Variants in SGCD observed in about 807,000 individuals in gnomAD.
The protein encoded by SGCD is sarcoglycan delta, also known as delta-sarcoglycan.
In SGCD, 18 loss-of-function variants were observed where a neutral mutation model predicts 36.6. That is an observed-to-expected ratio of 0.49 (90% CI 0.34 to 0.73). The LOEUF (loss-of-function observed/expected upper bound fraction) is 0.73. SGCD is among the 30% of genes least tolerant of loss of function. The pLI, the probability that SGCD is intolerant of heterozygous loss-of-function variation, is 0.01. For synonymous variants in SGCD, 133 were observed against 130.6 expected, an observed-to-expected ratio of 1.02 and a Z score of -0.12; for missense variants, 387 against 346.7, an observed-to-expected ratio of 1.12 and a Z score of -0.92.
chr5:156,597,969 C>A (rs1761000899), intron 6 of SGCD, among the ~76,000 whole-genome samples: 1 of 152,074 alleles, frequency 6.6e-6, no homozygotes, highest in South Asian at 2.1e-4. Flanking sequence ...ACATAGAGGG[C>A]TTTACCTTAA....
chr5:156,674,983 A>G (rs996153888), intron 7 of SGCD, among the ~76,000 whole-genome samples: 1 of 152,162 alleles, frequency 6.6e-6, no homozygotes. Context: ...CTTGTTTGCC[A>G]TAATGAAAAG....
rs568282896 is a variant in SGCD at position 156,318,753 on chromosome 5, G to T, written c.-43-10781G>T. 2.0e-5 allele frequency among the ~76,000 whole-genome samples: 3 copies of T among 152,030 alleles called. No homozygotes were observed. In the East Asian group the frequency reaches 5.8e-4, roughly 30 times the overall value. On this transcript the variant is annotated intron_variant, in intron 3 of 9. Coordinates refer to the SGCD transcript ENST00000517913. ...TGGGATTACAGTTGTGTGCCCCCTC[G>T]CCTGGCTCAGTTTTGTATTTTTAGT...
At chr5:155,872,351 G>GCA (rs3085993) in intron 1 of SGCD, among the ~76,000 whole-genome samples, 26,110 of 144,862 alleles carry the variant, frequency 0.18, 3,031 homozygotes, top group African/African-American at 0.35. Context: ...CTTCTCTTCA[G>GCA]CACACACACA....
chr5:156,265,493 G>A (rs1765975202), intron 3 of SGCD, among the ~76,000 whole-genome samples: 2 of 151,896 alleles, frequency 1.3e-5, no homozygotes, highest in South Asian at 4.2e-4. Context: ...ATATCTAGTT[G>A]CTACTTAAGG....
At chr5:155,896,774 A>G (rs182108168) in intron 1 of SGCD, among the ~76,000 whole-genome samples, 39 of 152,320 alleles carry the variant, frequency 2.6e-4, no homozygotes, top group Non-Finnish European at 5.6e-4. Flanking sequence ...CTCAAGGATC[A>G]CCATACTGTT....
chr5:156,293,897 C>G (rs1766826491), intron 3 of SGCD, among the ~76,000 whole-genome samples: 1 of 152,108 alleles, frequency 6.6e-6, no homozygotes, highest in South Asian at 2.1e-4. Context: ...ATAGGGATTG[C>G]ATTAAATCTG....
At chr5:155,819,904 T>G in the SGCD span, among the ~76,000 whole-genome samples, 1 of 152,220 alleles carries the variant, frequency 6.6e-6, no homozygotes, top group South Asian at 2.1e-4. Flanking sequence ...TCATTATAAC[T>G]AATCAAAACA....
intron 4 of SGCD, among the ~76,000 whole-genome samples, chr5:156,539,258 A>G (rs374719915): frequency 6.6e-6 from 1 of 151,852 alleles, no homozygotes; most frequent in African/African-American, 2.4e-5. Flanking sequence ...TTTTATATAT[A>G]TATAATTTTT....
chr5:155,886,164 G>A (rs772941431), intron 1 of SGCD, among the ~76,000 whole-genome samples: 8 of 152,042 alleles, frequency 5.3e-5, no homozygotes, highest in Non-Finnish European at 8.8e-5. Flanking sequence ...ATACTGATTC[G>A]AACTAATTTA....
chr5:156,609,152 C>A (rs957285930), intron 6 of SGCD, among the ~76,000 whole-genome samples: 4 of 151,998 alleles, frequency 2.6e-5, no homozygotes, highest in African/African-American at 9.7e-5. Context: ...ATGGTCCTTA[C>A]AATTTGGTAT....
intron 1 of SGCD, among the ~76,000 whole-genome samples, chr5:156,004,022 A>G (rs6860532): frequency 0.058 from 8,813 of 152,304 alleles, 826 homozygotes; most frequent in African/African-American, 0.19. Context: ...TGTTATTAGG[A>G]TCTCAGAGAA....
the SGCD span, among the ~76,000 whole-genome samples, chr5:155,811,899 G>A: frequency 7.0e-6 from 1 of 143,520 alleles, no homozygotes; most frequent in African/African-American, 2.6e-5. Flanking sequence ...ACATTTGTAT[G>A]TAGAAGTACA....
chr5:155,856,386 A>G, the SGCD span, among the ~76,000 whole-genome samples: 13 of 152,364 alleles, frequency 8.5e-5, no homozygotes, highest in African/African-American at 3.1e-4. Flanking sequence ...ATTTAAACTC[A>G]GCCATGTTAG....
At chr5:156,086,994 C>G (rs182505918) in intron 1 of SGCD, among the ~76,000 whole-genome samples, 1 of 152,212 alleles carries the variant, frequency 6.6e-6, no homozygotes, top group African/African-American at 2.4e-5. Context: ...AGTACCTGGG[C>G]TCATGAAGGA....
chr5:155,997,937 A>G (rs879304948), intron 1 of SGCD, among the ~76,000 whole-genome samples: 2 of 152,174 alleles, frequency 1.3e-5, no homozygotes, highest in Non-Finnish European at 2.9e-5. Context: ...CTTACATTGG[A>G]TTTGAACTTT....
chr5:156,359,710 C>G (rs1187314810), intron 3 of SGCD, among the ~76,000 whole-genome samples: 1 of 152,168 alleles, frequency 6.6e-6, no homozygotes, highest in East Asian at 1.9e-4. Context: ...TGCTGATGGT[C>G]TCCAGTATCC....
chr5:155,857,405 A>G, the SGCD span, among the ~76,000 whole-genome samples: 2 of 152,270 alleles, frequency 1.3e-5, no homozygotes, highest in African/African-American at 4.8e-5. Flanking sequence ...TTAGCAGATG[A>G]ATGGATAAAC....
At chr5:156,172,703 T>A (rs866002373) in intron 3 of SGCD, among the ~76,000 whole-genome samples, 5 of 152,208 alleles carry the variant, frequency 3.3e-5, no homozygotes, top group African/African-American at 1.2e-4. Flanking sequence ...CCACATTTCT[T>A]TTTTTCTGTG....
intron 3 of SGCD, among the ~76,000 whole-genome samples, chr5:156,349,923 G>T (rs1286070175): frequency 6.6e-6 from 1 of 151,886 alleles, no homozygotes; most frequent in Non-Finnish European, 1.5e-5. Flanking sequence ...TGAAATAATG[G>T]CTTTTACAGC....
Sources: gnomAD v4.1 joint callset for allele counts (sites outside exome capture counted in the v4.1 genomes callset) on GRCh38, gnomAD v4.1.1 for gene constraint, MANE v1.5 for transcripts, NCBI Gene and HGNC (gene_info 2026-07-23, HGNC 2026-07-21) for gene names.